FOXN3: variants seen among roughly 807,000 people sequenced by gnomAD.
The protein encoded by FOXN3 is forkhead box protein N3.
Under a neutral mutation model 38.4 loss-of-function variants are expected in FOXN3, and 7 were observed. The ratio of observed to expected loss-of-function variants is 0.18; its 90% CI spans 0.10 to 0.34. The LOEUF (loss-of-function observed/expected upper bound fraction) is 0.34, where lower values mean the gene tolerates loss of function less well. Ranked by LOEUF, FOXN3 falls within the 10% of genes least tolerant of loss-of-function variation. FOXN3 has a pLI of 1.00. For missense variants in FOXN3, 456 were observed against 613.4 expected (o/e 0.74, Z 2.71); for synonymous variants, 230 against 242.2 (o/e 0.95, Z 0.47).
At chr14:89,478,003 C>T (rs914741614) in intron 1 of FOXN3, among the ~76,000 whole-genome samples, 1 of 152,102 alleles carries the variant, frequency 6.6e-6, no homozygotes, top group African/African-American at 2.4e-5. Flanking sequence ...TGTCCCCACC[C>T]AAATCTCATG....
intron 1 of FOXN3, among the ~76,000 whole-genome samples, chr14:89,495,909 T>C (rs760359789): frequency 2.0e-5 from 3 of 152,122 alleles, no homozygotes; most frequent in African/African-American, 7.2e-5. Flanking sequence ...ATGTTCTCTA[T>C]AGGGGCCGTG....
At chr14:89,210,990 G>A (rs1884075914) in intron 4 of FOXN3, among the ~76,000 whole-genome samples, 1 of 152,136 alleles carries the variant, frequency 6.6e-6, no homozygotes, top group Non-Finnish European at 1.5e-5. Context: ...ATCTAGACAT[G>A]TTGCAAAAAC....
intron 4 of FOXN3, among the ~76,000 whole-genome samples, chr14:89,247,088 AAT>A (rs1034014740): frequency 2.0e-5 from 3 of 151,942 alleles, no homozygotes; most frequent in Admixed American, 6.6e-5. Flanking sequence ...CCACCCACCC[AAT>A]AGTCAGTCTG....
chr14:89,291,135 C>A (rs1886859683), intron 3 of FOXN3: 1 of 512,250 alleles, frequency 2.0e-6, no homozygotes, highest in Non-Finnish European at 3.9e-6. Context: ...GGCAGCATCA[C>A]ACATCTCGTT....
At chr14:89,411,547 T>C (rs1176349423) in intron 2 of FOXN3, among the ~76,000 whole-genome samples, 3 of 152,206 alleles carry the variant, frequency 2.0e-5, no homozygotes, top group African/African-American at 7.2e-5. Flanking sequence ...CTCTAGCCCA[T>C]GGTGGCAGTG....
intron 3 of FOXN3, among the ~76,000 whole-genome samples, chr14:89,308,654 C>G (rs948742112): frequency 1.3e-5 from 2 of 152,206 alleles, no homozygotes; most frequent in African/African-American, 4.8e-5. Flanking sequence ...CATAGGAGTT[C>G]AAGTAACCTA....
At chr14:89,486,904 A>G (rs1893457850) in intron 1 of FOXN3, among the ~76,000 whole-genome samples, 1 of 152,216 alleles carries the variant, frequency 6.6e-6, no homozygotes, top group African/African-American at 2.4e-5. Context: ...AAATTTGAAA[A>G]TACATGCCAT....
intron 3 of FOXN3, among the ~76,000 whole-genome samples, chr14:89,289,566 C>T (rs564783552): frequency 1.3e-5 from 2 of 152,228 alleles, no homozygotes; most frequent in South Asian, 2.1e-4. Context: ...TCAAATGACA[C>T]GGTAGAAATA....
At chr14:89,446,415 C>G (rs897234505) in intron 1 of FOXN3, among the ~76,000 whole-genome samples, 67 of 152,068 alleles carry the variant, frequency 4.4e-4, no homozygotes, top group Non-Finnish European at 7.1e-4. Context: ...TCTCAAACTC[C>G]TGACCTCAAG....
chr14:89,163,907 A>G lies in FOXN3; in HGVS notation c.852-938T>C, dbSNP rs902837601. Among the ~76,000 whole-genome samples, 2 of 152,206 alleles carry G rather than the reference A, an allele frequency of 1.3e-5. No individual in the cohort carries two copies. Among genetic ancestry groups the G allele is most frequent in the African/African-American group, 2.4e-5 (1 of 41,446 alleles). On this transcript the variant is annotated intron_variant, in intron 5 of 5. Transcript: ENST00000557258. This position sits in a 1 kb window ranked among gnomAD's most constrained non-coding sequence, Gnocchi z 4.3. The stretch of plus-strand genomic sequence containing the variant: ...ACCGACCCTCCTTTGTGATTTCCCT[A>G]TAACAAGGTCCCTGCTACCCATGCC...
rs114390016 is a variant in FOXN3, at chr14:89,579,330, T to C, written c.-15+39698A>G. On this transcript the variant is annotated intron_variant, in intron 1 of 6. Transcript: ENST00000345097. ...CACGCCTGGCTAATTTATTTATGTT[T>C]TTTTTTGTAGAGACGGGGTCTCACT... 5.5e-3 allele frequency among the ~76,000 whole-genome samples: 832 copies of C among 150,626 alleles called. 8 individuals are homozygous for C. The highest frequency in any genetic ancestry group is 0.02 in the African/African-American group (806 of 40,926).
chr14:89,531,950 A>G lies in FOXN3; in HGVS notation c.-15+87078T>C, dbSNP rs200039136. Among the ~76,000 whole-genome samples, 30 of 152,326 alleles carry G rather than the reference A, an allele frequency of 2.0e-4. No individual in the cohort carries two copies. In the East Asian group the frequency reaches 5.4e-3, roughly 27 times the overall value. ...CAGCCTCCTGAGTAGCTACGACTAC[A>G]GGCATGAGCCACCACACCTGGCCTT... On this transcript the variant is annotated intron_variant, in intron 1 of 6. Transcript: ENST00000345097.
chr14:89,206,893 T>G lies in FOXN3; in HGVS notation c.746-26087A>C, dbSNP rs181622705. Among the ~76,000 whole-genome samples, 10 of 152,240 alleles carry G rather than the reference T, an allele frequency of 6.6e-5. No homozygotes were observed. The East Asian group carries it at 1.9e-3, about 29-fold the overall frequency. On this transcript the variant is annotated intron_variant, in intron 4 of 5. Coordinates refer to ENST00000557258, the MANE Select transcript of FOXN3 (RefSeq NM_005197.4). Reference sequence around the variant, plus strand: ...CCTGGGAGCCTTCAGACTTTGACTATGCCAAAGGACAGTGTGGCCATAAAA... The same window carrying G: ...CCTGGGAGCCTTCAGACTTTGACTAGGCCAAAGGACAGTGTGGCCATAAAA...
chr14:89,432,335 T>C (rs2140114688), intron 1 of FOXN3, among the ~76,000 whole-genome samples: 1 of 152,322 alleles, frequency 6.6e-6, no homozygotes, highest in South Asian at 2.1e-4. Context: ...CCAAAGGTGA[T>C]GTCAATTTTG....
At chr14:89,207,179 C>T (rs1437954822) in intron 4 of FOXN3, among the ~76,000 whole-genome samples, 1 of 152,028 alleles carries the variant, frequency 6.6e-6, no homozygotes, top group South Asian at 2.1e-4. Flanking sequence ...CGAGACGCAC[C>T]ACTGCACTCC....
At chr14:89,526,444 CA>C (rs1169805670) in intron 1 of FOXN3, among the ~76,000 whole-genome samples, 2 of 152,048 alleles carry the variant, frequency 1.3e-5, no homozygotes, top group East Asian at 3.8e-4. Context: ...ATACAAAAAG[CA>C]GCTGTATTTC....
At chr14:89,337,414 G>T (rs1362633193) in intron 3 of FOXN3, among the ~76,000 whole-genome samples, 2 of 152,162 alleles carry the variant, frequency 1.3e-5, no homozygotes, top group Non-Finnish European at 2.9e-5. Flanking sequence ...ATCTGGTAGA[G>T]AAAGAACACA....
At chr14:89,582,102 T>C (rs1273148251) in intron 1 of FOXN3, among the ~76,000 whole-genome samples, 3 of 152,206 alleles carry the variant, frequency 2.0e-5, no homozygotes, top group African/African-American at 4.8e-5. Flanking sequence ...TCATGCCACA[T>C]GTTCCCCACG....
chr14:89,398,811 C>T (rs928319730), intron 2 of FOXN3, among the ~76,000 whole-genome samples: 12 of 152,168 alleles, frequency 7.9e-5, no homozygotes, highest in Non-Finnish European at 1.3e-4. Context: ...CATGGAGAAA[C>T]CCTGTCTCTA....
Sources: gnomAD v4.1 joint callset for allele counts (sites outside exome capture counted in the v4.1 genomes callset) on GRCh38, gnomAD v4.1.1 for gene constraint, Gnocchi (gnomAD v3.1) non-coding constraint, MANE v1.5 for transcripts, NCBI Gene and HGNC (gene_info 2026-07-23, HGNC 2026-07-21) for gene names.